Variants in FSTL5 observed in about 807,000 individuals in gnomAD.
FSTL5 encodes the protein follistatin like 5.
Under a neutral mutation model 89.1 loss-of-function variants are expected in FSTL5, and 62 were observed. That is an observed-to-expected ratio of 0.70 (90% CI 0.57 to 0.86). The LOEUF (loss-of-function observed/expected upper bound fraction) is 0.86, where lower values mean the gene tolerates loss of function less well. Among genes scored for constraint, FSTL5 ranks in the 40% least tolerant of loss-of-function variants. The probability of loss-of-function intolerance (pLI) is 0.00; values close to 1 mark genes in which losing one functional copy is unlikely to be tolerated. For missense variants in FSTL5, 1,057 were observed against 1,001.6 expected (o/e 1.06, Z -0.75); for synonymous variants, 383 against 346.2 (o/e 1.11, Z -1.18).
chr4:161,572,862 T>C (rs1429141433), intron 8 of FSTL5, among the ~76,000 whole-genome samples: 1 of 152,050 alleles, frequency 6.6e-6, no homozygotes, highest in Admixed American at 6.6e-5. Flanking sequence ...TAGGATATGG[T>C]TTAAACTGCT....
chr4:161,761,047 C>A (rs1312802135), intron 5 of FSTL5, among the ~76,000 whole-genome samples: 1 of 152,050 alleles, frequency 6.6e-6, no homozygotes, highest in Admixed American at 6.6e-5. Flanking sequence ...TCAGTGAGTT[C>A]TTTATTTTTG....
chr4:161,981,922 G>T (rs956803652), intron 3 of FSTL5, among the ~76,000 whole-genome samples: 1 of 152,054 alleles, frequency 6.6e-6, no homozygotes, highest in Non-Finnish European at 1.5e-5. Flanking sequence ...AATAACTTTA[G>T]TTACCTCAAA....
intron 7 of FSTL5, among the ~76,000 whole-genome samples, chr4:161,619,212 C>A (rs1450883799): frequency 1.3e-5 from 2 of 152,050 alleles, no homozygotes; most frequent in African/African-American, 4.8e-5. Context: ...AAGACTTAAA[C>A]GTTAGACCTA....
intron 8 of FSTL5, among the ~76,000 whole-genome samples, chr4:161,561,233 G>C (rs1732589887): frequency 6.6e-6 from 1 of 151,610 alleles, no homozygotes; most frequent in Non-Finnish European, 1.5e-5. Flanking sequence ...ATAGATAGAT[G>C]ATAGACAGAT....
chr4:161,507,006 ATGAAGC>A (rs1316413223), intron 11 of FSTL5, among the ~76,000 whole-genome samples: 2 of 152,160 alleles, frequency 1.3e-5, no homozygotes, highest in Non-Finnish European at 2.9e-5. Flanking sequence ...CACATATCAT[ATGAAGC>A]TGGTGTTTCC....
chr4:161,632,286 G>A (rs139677336), intron 7 of FSTL5, among the ~76,000 whole-genome samples: 6 of 151,994 alleles, frequency 3.9e-5, no homozygotes, highest in South Asian at 2.1e-4. Context: ...AGGCTGAGAC[G>A]GGAGAATCTC....
chr4:161,802,034 G>A (rs1045036127), intron 4 of FSTL5, among the ~76,000 whole-genome samples: 6 of 151,552 alleles, frequency 4.0e-5, no homozygotes, highest in Non-Finnish European at 7.4e-5. Flanking sequence ...TCATGCCTTT[G>A]TAATCTTTTA....
chr4:162,047,920 G>A (rs1188170803), intron 2 of FSTL5, among the ~76,000 whole-genome samples: 1 of 152,084 alleles, frequency 6.6e-6, no homozygotes, highest in African/African-American at 2.4e-5. Flanking sequence ...TATTTGACAG[G>A]ATTTTCATTC....
At chr4:162,158,068 C>G (rs960877050) in intron 1 of FSTL5, among the ~76,000 whole-genome samples, 6 of 152,088 alleles carry the variant, frequency 3.9e-5, no homozygotes, top group Non-Finnish European at 8.8e-5. Context: ...TTGATTTAAT[C>G]TCACAGACTG....
At chr4:161,653,881 A>G (rs1256055050) in intron 7 of FSTL5, among the ~76,000 whole-genome samples, 1 of 152,148 alleles carries the variant, frequency 6.6e-6, no homozygotes, top group East Asian at 1.9e-4. Flanking sequence ...TTTAATTTTG[A>G]GAAGCTGATA....
intron 10 of FSTL5, among the ~76,000 whole-genome samples, chr4:161,526,959 T>C (rs1198397955): frequency 6.6e-6 from 1 of 151,780 alleles, no homozygotes; most frequent in Non-Finnish European, 1.5e-5. Flanking sequence ...TGAACTTTAG[T>C]TTTTTCCAAT....
At chr4:161,905,663 G>T (rs1165629549) in intron 4 of FSTL5, among the ~76,000 whole-genome samples, 1 of 152,078 alleles carries the variant, frequency 6.6e-6, no homozygotes, top group African/African-American at 2.4e-5. Context: ...AGGAAACTGC[G>T]AATTAGACCA....
At chr4:161,491,793 A>T (rs1056632834) in intron 12 of FSTL5, among the ~76,000 whole-genome samples, 3 of 151,686 alleles carry the variant, frequency 2.0e-5, no homozygotes, top group Admixed American at 6.6e-5. Context: ...TGAGTTGAGA[A>T]CATGCCACTG....
intron 1 of FSTL5, among the ~76,000 whole-genome samples, chr4:162,130,250 G>A (rs1046095493): frequency 3.3e-5 from 5 of 152,112 alleles, no homozygotes; most frequent in Non-Finnish European, 5.9e-5. Context: ...TCCTAAACCC[G>A]TAGGTTTAGT....
intron 12 of FSTL5, among the ~76,000 whole-genome samples, chr4:161,481,393 C>A (rs1259150836): frequency 6.6e-6 from 1 of 152,018 alleles, no homozygotes; most frequent in East Asian, 1.9e-4. Context: ...TTCTTAATTA[C>A]TTATTTTTCT....
At chr4:161,503,511 A>G (rs1439693797) in intron 11 of FSTL5, among the ~76,000 whole-genome samples, 2 of 151,976 alleles carry the variant, frequency 1.3e-5, no homozygotes, top group Admixed American at 6.6e-5. Flanking sequence ...GTGTGTGCAT[A>G]GATATAATTA....
At chr4:161,496,797 T>TAGAGATAGAGAC (rs1730094966) in intron 12 of FSTL5, among the ~76,000 whole-genome samples, 1 of 147,340 alleles carries the variant, frequency 6.8e-6, no homozygotes, top group Non-Finnish European at 1.5e-5. Context: ...AAGATAGAGA[T>TAGAGATAGAGAC]AGAGATAGAG....
In FSTL5 at chr4:162,151,732, A is replaced by C. The variant is rs184969601; in HGVS notation, c.-17+11883T>G. The stretch of plus-strand genomic sequence containing the variant: ...ATCAAATCCATTTAAGGCCAATAAT[A>C]AATAGGACACAGCAATTTCAAGAGA... On this transcript the variant is annotated intron_variant, in intron 1 of 15. Transcript: ENST00000306100. Among the ~76,000 whole-genome samples, 40 of 152,316 alleles carry C rather than the reference A, an allele frequency of 2.6e-4. 3 individuals are homozygous for C. Among genetic ancestry groups the C allele is most frequent in the East Asian group, 2.5e-3 (13 of 5,182 alleles).
intron 3 of FSTL5, among the ~76,000 whole-genome samples, chr4:161,921,908 T>C (rs1322103339): frequency 6.6e-6 from 1 of 152,090 alleles, no homozygotes; most frequent in African/African-American, 2.4e-5. Flanking sequence ...TTACTTACTA[T>C]TAACAGCTCT....
Sources: gnomAD v4.1 joint callset for allele counts (sites outside exome capture counted in the v4.1 genomes callset) on GRCh38, gnomAD v4.1.1 for gene constraint, MANE v1.5 for transcripts, NCBI Gene and HGNC (gene_info 2026-07-23, HGNC 2026-07-21) for gene names.